ANKRD30A: variants seen among roughly 807,000 people sequenced by gnomAD.
The protein encoded by ANKRD30A is ankyrin repeat domain 30A.
Under a neutral mutation model 166.3 loss-of-function variants are expected in ANKRD30A, and 170 were observed. That is an observed-to-expected ratio of 1.02 (90% confidence interval 0.90 to 1.16). The LOEUF (loss-of-function observed/expected upper bound fraction) is 1.16. ANKRD30A is among the 50% of genes most tolerant of loss of function. The pLI, the probability that ANKRD30A is intolerant of heterozygous loss-of-function variation, is 0.00. For missense variants in ANKRD30A, 1,630 were observed against 1,518.0 expected (o/e 1.07, Z -1.23); for synonymous variants, 564 against 508.9 (o/e 1.11, Z -1.46).
the ANKRD30A span, among the ~76,000 whole-genome samples, chr10:37,250,112 C>T: frequency 6.6e-6 from 1 of 152,152 alleles, no homozygotes; most frequent in Non-Finnish European, 1.5e-5. Context: ...GGCCCTGCCT[C>T]TCTTGCCCTC....
chr10:37,145,751 A>G (rs1837458925), intron 8 of ANKRD30A, among the ~76,000 whole-genome samples: 1 of 152,204 alleles, frequency 6.6e-6, no homozygotes, highest in African/African-American at 2.4e-5. Flanking sequence ...AATTGGATTC[A>G]TAGAAAAACA....
At chr10:37,165,331 G>C (rs2132607432) in intron 18 of ANKRD30A, among the ~76,000 whole-genome samples, 176 bp downstream of exon 18, 2 of 152,324 alleles carry the variant, frequency 1.3e-5, no homozygotes, top group South Asian at 4.1e-4. Context: ...CTGCTTCACA[G>C]TGAAATTCTG....
At chr10:37,249,411 GTAAA>G in the ANKRD30A span, among the ~76,000 whole-genome samples, 3 of 151,628 alleles carry the variant, frequency 2.0e-5, no homozygotes, top group African/African-American at 7.3e-5. Flanking sequence ...TGGGAAGTAA[GTAAA>G]TAGAGCTAAG....
At chr10:37,221,912 G>C (rs1281100699) in intron 34 of ANKRD30A, among the ~76,000 whole-genome samples, 1 of 151,334 alleles carries the variant, frequency 6.6e-6, no homozygotes, top group Non-Finnish European at 1.5e-5. Context: ...CCAAAATGGA[G>C]ATGTTTAGGT....
intron 19 of ANKRD30A, among the ~76,000 whole-genome samples, chr10:37,167,232 G>A (rs1460254458): frequency 6.7e-6 from 1 of 148,706 alleles, no homozygotes; most frequent in Non-Finnish European, 1.5e-5. Context: ...AGGATTACTA[G>A]AATTGGACTA....
At chr10:37,237,802 G>A in the ANKRD30A span, among the ~76,000 whole-genome samples, 1 of 152,172 alleles carries the variant, frequency 6.6e-6, no homozygotes, top group Non-Finnish European at 1.5e-5. Flanking sequence ...GAATAGAACA[G>A]TGATTGATGT....
At chr10:37,144,713 G>A (rs1218883696) in intron 7 of ANKRD30A, among the ~76,000 whole-genome samples, 5 of 152,170 alleles carry the variant, frequency 3.3e-5, no homozygotes, top group East Asian at 1.9e-4. Context: ...TATGCTTCAC[G>A]GGAGAAGAGG....
Position 37,158,243 on chromosome 10 carries a change from A to G in ANKRD30A, c.1799-149A>G, listed in dbSNP as rs1470196964. 1.1e-5 allele frequency: 15 copies of G among 1,367,464 alleles called. No individual in the cohort carries two copies. The Admixed American group carries it at 2.6e-4, about 23-fold the overall frequency. The allele number at this position is 1,367,464 out of a possible 1,614,324, so 84.7% of individuals were successfully genotyped here. A position where few individuals can be genotyped will look rare whatever the true frequency, so the allele number is the denominator to read the frequency against. ...TTCTGTCACGTTGGCATGATAACAA[A>G]TACAATAACCCAAAAGACCCCAAAA... On this transcript the variant is annotated intron_variant, in intron 13 of 35. Transcript: ENST00000361713.
the ANKRD30A span, among the ~76,000 whole-genome samples, chr10:37,244,023 T>C: frequency 6.6e-6 from 1 of 152,116 alleles, no homozygotes; most frequent in Admixed American, 6.5e-5. Context: ...AACAACAGCA[T>C]TTGTGTGATT....
intron 31 of ANKRD30A, among the ~76,000 whole-genome samples, chr10:37,213,559 T>C (rs72787552): frequency 0.041 from 2,800 of 67,844 alleles, 56 homozygotes; most frequent in African/African-American, 0.081. Context: ...TCTTCTTCTT[T>C]TTTTTTTTTT....
At chr10:37,247,754 C>T in the ANKRD30A span, among the ~76,000 whole-genome samples, 7 of 150,070 alleles carry the variant, frequency 4.7e-5, no homozygotes, top group East Asian at 3.9e-4. Flanking sequence ...TGGTGGCGGG[C>T]GCCTGTAGTC....
At chr10:37,154,653 C>G (rs576666903) in intron 13 of ANKRD30A, among the ~76,000 whole-genome samples, 16 of 152,116 alleles carry the variant, frequency 1.1e-4, no homozygotes, top group African/African-American at 3.9e-4. Context: ...GAACCAAGAG[C>G]ACAAGTCTAG....
intron 11 of ANKRD30A, among the ~76,000 whole-genome samples, 162 bp downstream of exon 11, chr10:37,150,011 A>G (rs1437472337): frequency 6.6e-6 from 1 of 152,040 alleles, no homozygotes; most frequent in Non-Finnish European, 1.5e-5. Context: ...ATATTACAAG[A>G]ACAGTAATTT....
rs200425638 is a variant in ANKRD30A, at chr10:37,217,728, A to C, written c.3117A>C (p.Arg1039Ser). The C allele has an allele frequency of 1.3e-5, 20 of 1,586,154 alleles. No individual in the cohort carries two copies. Among genetic ancestry groups the C allele is most frequent in the Non-Finnish European group, 1.7e-5 (20 of 1,168,296 alleles). The change falls in exon 33 of 36, where the codon AGA (arginine) becomes AGC (serine). Residue 1039 changes from arginine to serine, a missense_variant. Arg to Ser is a moderately radical substitution (Grantham distance 110). Transcript: ENST00000361713. ...LTLNQEEEKR[R>S]NADILNEKIR... ...TAAACCAAGAAGAAGAGAAGAGAAG[A>C]AATGCCGATATATTAAATGAAAAAA...
chr10:37,239,487 A>G, the ANKRD30A span, among the ~76,000 whole-genome samples: 41 of 152,120 alleles, frequency 2.7e-4, no homozygotes, highest in Admixed American at 1.5e-3. Context: ...TGTGCTGAAA[A>G]GTTGATAACA....
intron 15 of ANKRD30A, among the ~76,000 whole-genome samples, chr10:37,160,339 A>G (rs923243338): frequency 1.3e-5 from 2 of 152,212 alleles, no homozygotes; most frequent in South Asian, 2.1e-4. Context: ...CTCATTAACC[A>G]TGAAAATTAT....
downstream of ANKRD30A, among the ~76,000 whole-genome samples, chr10:37,232,907 AC>A (rs376611173): frequency 2.6e-3 from 365 of 140,998 alleles, no homozygotes; most frequent in Non-Finnish European, 3.1e-3. Flanking sequence ...AAAAAAAAAA[AC>A]AAAATAAATT....
At chr10:37,195,818 C>G (rs397839754) in intron 27 of ANKRD30A, among the ~76,000 whole-genome samples, 58 of 152,084 alleles carry the variant, frequency 3.8e-4, no homozygotes, top group Non-Finnish European at 5.9e-4. Flanking sequence ...TTGGAGCTTG[C>G]TCTGAGTTGC....
At position 37,219,468 on chromosome 10, in the gene ANKRD30A, A is replaced by T. The variant is rs201085893; in HGVS notation, c.3756A>T (p.Pro1252=). The T allele has an allele frequency of 6.2e-7, 1 of 1,610,186 alleles. No individual in the cohort carries two copies. The highest frequency in any genetic ancestry group is 1.7e-5 in the Admixed American group (1 of 59,594). The part of the protein sequence containing the change: ...TIYNNEVLHQ[P]LSEAQRKSKS... The stretch of plus-strand genomic sequence containing the variant: ...ATAACAATGAGGTGCTCCATCAACC[A>T]CTTTCTGAAGCTCAAAGGAAATCCA... Residue 1252 remains proline, a synonymous_variant, in exon 34 of 36, where the codon CCA becomes CCT. Coordinates refer to ENST00000361713, the MANE Select transcript of ANKRD30A (RefSeq NM_052997.3).
Sources: allele counts gnomAD v4.1 joint callset (sites outside exome capture counted in the v4.1 genomes callset), GRCh38; gene constraint gnomAD v4.1.1; transcripts MANE v1.5; gene names NCBI Gene and HGNC (gene_info 2026-07-23, HGNC 2026-07-21).